The following KIFC3 variants were observed in gnomAD, a reference collection of about 807,000 sequenced individuals.
KIFC3 encodes the protein kinesin-like protein KIFC3.
A neutral mutation model predicts 101.8 loss-of-function variants in KIFC3; 60 were observed. That is an observed-to-expected ratio of 0.59 (90% CI 0.48 to 0.73). The LOEUF is 0.73. Ranked by LOEUF, KIFC3 falls within the 30% of genes least tolerant of loss-of-function variation. KIFC3 has a pLI of 0.00. For missense variants in KIFC3, 966 were observed against 1,137.1 expected, an observed-to-expected ratio of 0.85 and a Z score of 2.16; for synonymous variants, 476 against 482.7, an observed-to-expected ratio of 0.99 and a Z score of 0.18.
chr16:57,796,525 G>T (rs1329593488), intron 2 of KIFC3, among the ~76,000 whole-genome samples: 1 of 152,224 alleles, frequency 6.6e-6, no homozygotes, highest in African/African-American at 2.4e-5. Flanking sequence ...GCAATATGGG[G>T]GTTGGTCGGG....
At chr16:57,785,655 A>C in intron 3 of KIFC3, 1 of 1,246,432 alleles carries the variant, frequency 8.0e-7, no homozygotes, top group South Asian at 1.3e-5. Context: ...CTGCTGCCAA[A>C]GAGACGCCCA....
intron 1 of KIFC3, chr16:57,816,195 G>A (rs2055219622): frequency 7.8e-7 from 1 of 1,279,140 alleles, no homozygotes; most frequent in African/African-American, 1.5e-5. Flanking sequence ...AGTTCATCAA[G>A]TTCTCACAAC....
intron 1 of KIFC3, among the ~76,000 whole-genome samples, chr16:57,801,966 G>T (rs549861577): frequency 6.6e-6 from 1 of 152,360 alleles, no homozygotes; most frequent in South Asian, 2.1e-4. Flanking sequence ...AACTCCCCAA[G>T]GGACGTGGTG....
intron 1 of KIFC3, among the ~76,000 whole-genome samples, chr16:57,813,457 GC>G (rs1414032611): frequency 6.6e-6 from 1 of 152,012 alleles, no homozygotes; most frequent in Non-Finnish European, 1.5e-5. Flanking sequence ...AGCACGCACT[GC>G]CCCCACGCTA....
intron 3 of KIFC3, among the ~76,000 whole-genome samples, chr16:57,780,590 A>AG (rs539457685): frequency 1.2e-3 from 176 of 150,780 alleles, no homozygotes; most frequent in African/African-American, 2.9e-3. Context: ...AAAAAAAAAA[A>AG]AAGAAGAAGG....
rs2054710952 is a variant in KIFC3 at position 57,801,324 on chromosome 16, T to C, written c.-40+1046A>G. ...AGCAGGCAGAAGGTCAAGGAAGTTG[T>C]ACAGGGAATGCCACCTCCCTGCACA... On this transcript the variant is annotated intron_variant, in intron 1 of 19. Coordinates refer to ENST00000445690, the MANE Select transcript of KIFC3 (RefSeq NM_001130100.2). Among the ~76,000 whole-genome samples the C allele has an allele frequency of 1.3e-5, 2 of 152,136 alleles. 1 individual carries two copies. The highest frequency in any genetic ancestry group is 4.1e-4 in the South Asian group (2 of 4,822).
intron 1 of KIFC3, among the ~76,000 whole-genome samples, chr16:57,827,921 G>A (rs1041674039): frequency 1.3e-5 from 2 of 152,246 alleles, no homozygotes; most frequent in South Asian, 2.1e-4. Context: ...AGCCTCTGAG[G>A]TATGTTCACT....
chr16:57,825,536 C>T (rs1467202614), intron 1 of KIFC3, among the ~76,000 whole-genome samples: 2 of 152,234 alleles, frequency 1.3e-5, no homozygotes, highest in East Asian at 1.9e-4. Context: ...GGCCACCTTC[C>T]TAATTTAGAG....
intron 16 of KIFC3, 44 bp downstream of exon 16, chr16:57,760,682 C>A (rs1555595545): frequency 1.3e-6 from 2 of 1,531,638 alleles, no homozygotes; most frequent in Admixed American, 1.7e-5. Flanking sequence ...CTAGCGTAGC[C>A]CCTACATGCT....
intron 1 of KIFC3, chr16:57,816,757 C>G (rs1417463987): frequency 2.2e-6 from 1 of 456,610 alleles, no homozygotes; most frequent in African/African-American, 2.0e-5. Context: ...GCCACTGCCA[C>G]AGGGACAGCC....
intron 1 of KIFC3, among the ~76,000 whole-genome samples, chr16:57,836,840 CACCATCATA>C: frequency 6.6e-6 from 1 of 152,228 alleles, no homozygotes; most frequent in East Asian, 1.9e-4. Context: ...TACAGGCACA[CACCATCATA>C]AGCTGCTAAT....
At chr16:57,860,194 C>T (rs533015697) in intron 1 of KIFC3, among the ~76,000 whole-genome samples, 67 of 152,046 alleles carry the variant, frequency 4.4e-4, no homozygotes, top group African/African-American at 1.6e-3. Flanking sequence ...TGGCTCACGC[C>T]TGTAATCCCA....
intron 6 of KIFC3, 81 bp downstream of exon 6, chr16:57,771,117 C>T: frequency 6.5e-7 from 1 of 1,546,258 alleles, no homozygotes; most frequent in Admixed American, 1.7e-5. Flanking sequence ...TTCACCAGGA[C>T]AAGCCCCCCT....
At chr16:57,792,568 G>A (rs1395593757) in intron 3 of KIFC3, among the ~76,000 whole-genome samples, 1 of 152,132 alleles carries the variant, frequency 6.6e-6, no homozygotes, top group Non-Finnish European at 1.5e-5. Context: ...TTTATGGTAA[G>A]CCCTGAAGTA....
At chr16:57,803,054 A>G, upstream of KIFC3, 1 of 1,535,530 alleles carries the variant, frequency 6.5e-7, no homozygotes, top group Non-Finnish European at 8.7e-7. Context: ...CACTCGCTCC[A>G]CCACCTACTC....
intron 3 of KIFC3, chr16:57,775,095 C>T (rs549021026): frequency 2.4e-5 from 36 of 1,490,250 alleles, no homozygotes; most frequent in East Asian, 1.2e-4. Context: ...CACCTGCCTG[C>T]GGCCCAGGGT....
chr16:57,764,272 T>TG, intron 11 of KIFC3, 25 bp from the exon 12 acceptor site: 1 of 495,560 alleles, frequency 2.0e-6, no homozygotes, highest in South Asian at 1.6e-5. Context: ...GGAGGGAGGC[T>TG]GGTGGGGGGG....
At chr16:57,802,550 C>A (rs1343069614), upstream of KIFC3, 6 of 988,990 alleles carry the variant, frequency 6.1e-6, no homozygotes, top group Non-Finnish European at 6.0e-6. This position sits in a 1 kb window ranked among gnomAD's most constrained non-coding sequence, Gnocchi z 5.0. Context: ...CCATGGCAAC[C>A]GGCTCCGACC....
upstream of KIFC3, chr16:57,803,114 A>G: frequency 7.8e-7 from 1 of 1,290,064 alleles, no homozygotes; most frequent in Non-Finnish European, 1.1e-6. Flanking sequence ...CTGCACCCCC[A>G]GCCCCACCCC....
Sources: gnomAD v4.1 joint callset for allele counts (sites outside exome capture counted in the v4.1 genomes callset) on GRCh38, gnomAD v4.1.1 for gene constraint, Gnocchi (gnomAD v3.1) non-coding constraint, MANE v1.5 for transcripts, NCBI Gene and HGNC (gene_info 2026-07-23, HGNC 2026-07-21) for gene names.